Variants in STK10 observed in about 807,000 individuals in gnomAD.
STK10 encodes the protein serine/threonine-protein kinase 10.
A neutral mutation model predicts 113.8 loss-of-function variants in STK10; 78 were observed. That is an observed-to-expected ratio of 0.69 (90% confidence interval 0.57 to 0.83). STK10 has a LOEUF of 0.83. Among genes scored for constraint, STK10 ranks in the 40% least tolerant of loss-of-function variants. STK10 has a pLI of 0.00. For missense variants in STK10, 1,109 were observed against 1,280.1 expected (o/e 0.87, Z 2.04); for synonymous variants, 465 against 494.7 (o/e 0.94, Z 0.80).
At chr5:172,111,758 T>C (rs1322675832) in intron 4 of STK10, among the ~76,000 whole-genome samples, 1 of 152,260 alleles carries the variant, frequency 6.6e-6, no homozygotes, top group African/African-American at 2.4e-5. Flanking sequence ...TCATTTCTGC[T>C]GTGGCCACAG....
At chr5:172,087,235 A>T (rs1768583918) in intron 10 of STK10, among the ~76,000 whole-genome samples, 1 of 148,320 alleles carries the variant, frequency 6.7e-6, no homozygotes, top group African/African-American at 2.6e-5. Context: ...AACATCTAAA[A>T]CTACTTTTAT....
chr5:172,050,056 G>A (rs1767594700), intron 18 of STK10, among the ~76,000 whole-genome samples: 1 of 152,224 alleles, frequency 6.6e-6, no homozygotes, highest in African/African-American at 2.4e-5. Context: ...ACCCGCCTTG[G>A]CCTCCCAAAG....
chr5:172,087,948 T>G (rs536663070), intron 10 of STK10, among the ~76,000 whole-genome samples: 11 of 150,842 alleles, frequency 7.3e-5, no homozygotes, highest in Middle Eastern at 3.3e-3. Context: ...TTTTGAGAGA[T>G]AGAGTCTTGC....
chr5:172,156,573 G>C, intron 2 of STK10, 51 bp downstream of exon 2: 1 of 1,575,448 alleles, frequency 6.3e-7, no homozygotes, highest in Non-Finnish European at 8.6e-7. Context: ...GCTAGCTCCA[G>C]AGCACCAGGC....
chr5:172,089,007 C>T (rs933707082), intron 10 of STK10, among the ~76,000 whole-genome samples: 2 of 152,116 alleles, frequency 1.3e-5, no homozygotes, highest in African/African-American at 4.8e-5. Flanking sequence ...CAAATCTGAC[C>T]ATGTTTTTCC....
At chr5:172,179,621 C>CCGGGCCCCCTT (rs1554124651) in intron 1 of STK10, among the ~76,000 whole-genome samples, 1 of 151,758 alleles carries the variant, frequency 6.6e-6, no homozygotes. Flanking sequence ...ACGCAGAAGC[C>CCGGGCCCCCTT]GAAGGGCGTC....
chr5:172,049,348 C>A (rs769690522), intron 18 of STK10, among the ~76,000 whole-genome samples: 1 of 152,134 alleles, frequency 6.6e-6, no homozygotes, highest in African/African-American at 2.4e-5. Context: ...AGACACCATA[C>A]AGCCTCCGTG....
intron 18 of STK10, among the ~76,000 whole-genome samples, chr5:172,052,116 T>C (rs72835300): frequency 0.2 from 30,708 of 152,036 alleles, 3,445 homozygotes; most frequent in East Asian, 0.33. Context: ...TGACCCTGAT[T>C]TAATCACATG....
chr5:172,072,993 A>G (rs4516873), intron 12 of STK10, among the ~76,000 whole-genome samples: 57,220 of 152,016 alleles, frequency 0.38, 14,475 homozygotes, highest in African/African-American at 0.72. Context: ...TTTCTTTTCC[A>G]AGTTGGGTTT....
chr5:172,142,515 C>T (rs149722674), intron 2 of STK10, among the ~76,000 whole-genome samples: 149 of 152,306 alleles, frequency 9.8e-4, no homozygotes, highest in African/African-American at 3.3e-3. Flanking sequence ...TCCCTATCTA[C>T]GACACCTAAT....
At chr5:172,054,499 CCT>C in intron 17 of STK10, 68 bp downstream of exon 17, 1 of 1,574,774 alleles carries the variant, frequency 6.4e-7, no homozygotes, top group Non-Finnish European at 8.6e-7. Context: ...TTTCTGGCCC[CCT>C]GAGATCTGAT....
chr5:172,137,860 CCAG>C (rs1769897813), intron 2 of STK10, among the ~76,000 whole-genome samples: 1 of 147,622 alleles, frequency 6.8e-6, no homozygotes, highest in Non-Finnish European at 1.5e-5. Context: ...CCACAGTACT[CCAG>C]CCTGGACGAC....
chr5:172,069,806 A>G (rs1768137931), intron 12 of STK10, among the ~76,000 whole-genome samples: 1 of 152,208 alleles, frequency 6.6e-6, no homozygotes, highest in Admixed American at 6.5e-5. Context: ...ACTATCAATT[A>G]AGTTGACCTA....
Position 172,052,926 on chromosome 5 carries a change from T to C in STK10, c.2766+3A>G, listed in dbSNP as rs1767661161. 1 of 1,613,726 alleles carries C rather than the reference T, an allele frequency of 6.2e-7. No homozygotes were observed. The highest frequency in any genetic ancestry group is 1.3e-5 in the African/African-American group (1 of 74,940). On this transcript the variant is annotated splice_donor_region_variant and intron_variant, in intron 18 of 18. Coordinates refer to ENST00000176763, the MANE Select transcript of STK10 (RefSeq NM_005990.4). Reference sequence around the variant, plus strand: ...CTGAGCCCACCAGCTCGGATAAAGTTACCTTCTTGCGCGGCCGAAGCTTGT... The same window carrying C: ...CTGAGCCCACCAGCTCGGATAAAGTCACCTTCTTGCGCGGCCGAAGCTTGT...
At chr5:172,062,206 G>A (rs1442314431) in intron 13 of STK10, among the ~76,000 whole-genome samples, 2 of 151,836 alleles carry the variant, frequency 1.3e-5, no homozygotes, top group Non-Finnish European at 2.9e-5. Context: ...TTCAACTCCT[G>A]GCCTCAAGTG....
At chr5:172,130,371 A>G (rs1769725234) in intron 2 of STK10, among the ~76,000 whole-genome samples, 1 of 152,110 alleles carries the variant, frequency 6.6e-6, no homozygotes, top group Non-Finnish European at 1.5e-5. Flanking sequence ...TCTCCACTAA[A>G]AATACAAAAA....
At chr5:172,083,363 A>G (rs1052744157) in intron 10 of STK10, among the ~76,000 whole-genome samples, 9 of 152,226 alleles carry the variant, frequency 5.9e-5, no homozygotes, top group Non-Finnish European at 5.9e-5. Flanking sequence ...AAAAGATAAA[A>G]AGAAATTTTA....
Position 172,082,574 on chromosome 5 carries a change from G to T in STK10, c.1810-69C>A, listed in dbSNP as rs866332051. Reference sequence around the variant, plus strand: ...ATACCTGGGAGGGACATGGGAAGTGGAATGGGGAGAACTCAGAGCTTGTGA... The same window carrying T: ...ATACCTGGGAGGGACATGGGAAGTGTAATGGGGAGAACTCAGAGCTTGTGA... On this transcript the variant is annotated intron_variant, in intron 11 of 18. Coordinates refer to ENST00000176763, the MANE Select transcript of STK10 (RefSeq NM_005990.4). This position sits in a 1 kb window ranked among gnomAD's most constrained non-coding sequence, Gnocchi z 4.3. 60 of 1,496,696 alleles carry T rather than the reference G, an allele frequency of 4.0e-5. No individual in the cohort carries two copies. In the Middle Eastern group the frequency reaches 5.4e-4, roughly 14 times the overall value. The allele number at this position is 1,496,696 out of a possible 1,614,324, so 92.7% of individuals were successfully genotyped here.
At chr5:172,049,711 G>A (rs1767585281) in intron 18 of STK10, among the ~76,000 whole-genome samples, 1 of 152,218 alleles carries the variant, frequency 6.6e-6, no homozygotes, top group Non-Finnish European at 1.5e-5. Context: ...AAGCAATGAT[G>A]GGTAAAACTT....
Sources: allele counts gnomAD v4.1 joint callset (sites outside exome capture counted in the v4.1 genomes callset), GRCh38; gene constraint gnomAD v4.1.1; non-coding constraint Gnocchi (gnomAD v3.1); transcripts MANE v1.5; gene names NCBI Gene and HGNC (gene_info 2026-07-23, HGNC 2026-07-21).